The following SGCE variants were observed in gnomAD, a reference collection of about 807,000 sequenced individuals.
SGCE encodes the protein epsilon-sarcoglycan.
SGCE carries 26 observed loss-of-function variants against 57.8 expected under a neutral mutation model. The observed-to-expected ratio is 0.45, with a 90% confidence interval of 0.33 to 0.62. The LOEUF is 0.62. SGCE is among the 20% of genes least tolerant of loss of function. The pLI is 0.02. For synonymous variants in SGCE, 183 were observed against 189.5 expected (o/e 0.97, Z 0.28); for missense variants, 468 against 548.6 (o/e 0.85, Z 1.47).
intron 1 of SGCE, among the ~76,000 whole-genome samples, chr7:94,632,469 A>G (rs557454295): frequency 3.6e-4 from 55 of 152,236 alleles, no homozygotes; most frequent in South Asian, 2.1e-3. Flanking sequence ...CCTTTCAGCA[A>G]TCTGCTGAAC....
intron 1 of SGCE, among the ~76,000 whole-genome samples, chr7:94,647,029 C>A (rs754816086): frequency 8.5e-5 from 13 of 152,222 alleles, no homozygotes; most frequent in Admixed American, 1.3e-4. Context: ...AAAACACATA[C>A]CGTGCTCTTT....
chr7:94,655,910 G>T, intron 1 of SGCE, 80 bp downstream of exon 1: 2 of 896,230 alleles, frequency 2.2e-6, no homozygotes, highest in Non-Finnish European at 3.6e-6. Context: ...GCGCGCTCAG[G>T]CGCCCGGAAC....
In SGCE at chr7:94,631,661, G is replaced by A. The variant is rs894250665; in HGVS notation, c.110-1820C>T. Among the ~76,000 whole-genome samples, 5 of 151,908 alleles carry A rather than the reference G, an allele frequency of 3.3e-5. 1 individual carries two copies. Among genetic ancestry groups the A allele is most frequent in the Admixed American group, 3.3e-4 (5 of 15,200 alleles). ...CTGGATACTGTGGGGGCCTTTCGGG[G>A]AAGGGAATTAAGTCAGTAATGCTGG... On this transcript the variant is annotated intron_variant, in intron 1 of 10. Transcript: ENST00000648936.
intron 1 of SGCE, among the ~76,000 whole-genome samples, chr7:94,654,338 T>G (rs1156898379): frequency 6.6e-6 from 1 of 152,230 alleles, no homozygotes; most frequent in Non-Finnish European, 1.5e-5. Flanking sequence ...TCATCTATAC[T>G]GGTTTTAAAT....
rs148394530 is a variant in SGCE at position 94,645,954 on chromosome 7, T to C, written c.109+10036A>G. Among the ~76,000 whole-genome samples the C allele has an allele frequency of 2.7e-3, 413 of 152,310 alleles. 6 individuals carry two copies. The East Asian group carries it at 0.032, about 12-fold the overall frequency. On this transcript the variant is annotated intron_variant, in intron 1 of 10. Coordinates refer to ENST00000648936, the MANE Select transcript of SGCE (RefSeq NM_003919.3). The stretch of plus-strand genomic sequence containing the variant: ...TATATAATAATACTGCACTCTCATT[T>C]TTTTCCACAATCATGACACATATGA...
intron 6 of SGCE, among the ~76,000 whole-genome samples, chr7:94,602,362 A>G (rs1019811618): frequency 1.3e-5 from 2 of 152,186 alleles, no homozygotes; most frequent in African/African-American, 4.8e-5. Context: ...AAAAGGCCAC[A>G]AGGAGTGCTA....
chr7:94,608,514 T>G (rs538226520), intron 5 of SGCE, among the ~76,000 whole-genome samples: 62 of 152,168 alleles, frequency 4.1e-4, no homozygotes, highest in Non-Finnish European at 7.8e-4. Flanking sequence ...TAATTATAGA[T>G]TCAATGTAAT....
chr7:94,634,649 T>C (rs950385059), intron 1 of SGCE, among the ~76,000 whole-genome samples: 1 of 152,184 alleles, frequency 6.6e-6, no homozygotes, highest in Non-Finnish European at 1.5e-5. Flanking sequence ...TTAACACACA[T>C]AGGGCTCTGC....
chr7:94,590,598 A>C (rs1169421607), intron 9 of SGCE: 2 of 152,206 alleles, frequency 1.3e-5, no homozygotes, highest in Non-Finnish European at 2.9e-5. Flanking sequence ...TTTGTAATAA[A>C]GTTTGATCCA....
At chr7:94,640,347 GT>G (rs1232391507) in intron 1 of SGCE, among the ~76,000 whole-genome samples, 1 of 152,152 alleles carries the variant, frequency 6.6e-6, no homozygotes, top group East Asian at 1.9e-4. Context: ...AAGATACCAT[GT>G]CCCTGGTAAC....
At chr7:94,632,253 C>T (rs1804830882) in intron 1 of SGCE, among the ~76,000 whole-genome samples, 1 of 151,956 alleles carries the variant, frequency 6.6e-6, no homozygotes, top group Non-Finnish European at 1.5e-5. Flanking sequence ...TTCTACATTG[C>T]CCTCCACAGG....
intron 5 of SGCE, 73 bp downstream of exon 5, chr7:94,618,685 T>G: frequency 7.9e-7 from 1 of 1,273,542 alleles, no homozygotes; most frequent in Non-Finnish European, 1.1e-6. Flanking sequence ...CCATCTTCCA[T>G]CTATAATAAG....
At chr7:94,644,639 A>G (rs1403687207) in intron 1 of SGCE, 7 of 1,286,884 alleles carry the variant, frequency 5.4e-6, no homozygotes, top group Non-Finnish European at 7.1e-6. Flanking sequence ...TTCTCTGTCC[A>G]CTACTTCATT....
intron 5 of SGCE, among the ~76,000 whole-genome samples, chr7:94,607,744 A>G (rs951475227): frequency 1.3e-5 from 2 of 152,220 alleles, no homozygotes; most frequent in Non-Finnish European, 2.9e-5. Flanking sequence ...GCCTCTCATC[A>G]CTGTTTTTTA....
At chr7:94,600,276 C>T (rs1309168967) in intron 7 of SGCE, 1 of 227,520 alleles carries the variant, frequency 4.4e-6, no homozygotes, top group African/African-American at 2.3e-5. Flanking sequence ...ACCATCACTT[C>T]TGATCAAACT....
At chr7:94,599,584 A>C in intron 8 of SGCE, 113 bp downstream of exon 8, 1 of 857,140 alleles carries the variant, frequency 1.2e-6, no homozygotes, top group Admixed American at 1.9e-5. Context: ...TTATGAAATA[A>C]ACTATGAAAG....
intron 1 of SGCE, among the ~76,000 whole-genome samples, chr7:94,646,110 T>C (rs1807033427): frequency 6.6e-6 from 1 of 152,186 alleles, no homozygotes; most frequent in South Asian, 2.1e-4. Flanking sequence ...CCAATCCTCA[T>C]TCTCTGCACT....
chr7:94,623,986 G>T, intron 3 of SGCE: 1 of 385,588 alleles, frequency 2.6e-6, no homozygotes, highest in Non-Finnish European at 4.6e-6. Flanking sequence ...CCCTTCATAC[G>T]GGCAAATATT....
chr7:94,654,079 A>G (rs1173449142), intron 1 of SGCE, among the ~76,000 whole-genome samples: 1 of 152,122 alleles, frequency 6.6e-6, no homozygotes, highest in Non-Finnish European at 1.5e-5. Context: ...AGCAGACTCT[A>G]TAATGTTTAC....
Sources: allele counts gnomAD v4.1 joint callset (sites outside exome capture counted in the v4.1 genomes callset), GRCh38; gene constraint gnomAD v4.1.1; transcripts MANE v1.5; gene names NCBI Gene and HGNC (gene_info 2026-07-23, HGNC 2026-07-21).